Variants in KCND2 observed in about 807,000 individuals in gnomAD.
The protein encoded by KCND2 is potassium voltage-gated channel subfamily D member 2.
KCND2 carries 16 observed loss-of-function variants against 54.4 expected under a neutral mutation model. That is an observed-to-expected ratio of 0.29 (90% CI 0.20 to 0.45). The LOEUF (loss-of-function observed/expected upper bound fraction) is 0.45, where lower values mean the gene tolerates loss of function less well. Among genes scored for constraint, KCND2 ranks in the 20% least tolerant of loss-of-function variants. The probability of loss-of-function intolerance (pLI) is 1.00; values close to 1 mark genes in which losing one functional copy is unlikely to be tolerated. For missense variants in KCND2, 486 were observed against 824.2 expected (o/e 0.59, Z 5.02); for synonymous variants, 317 against 310.7 (o/e 1.02, Z -0.21).
chr7:120,624,894 G>A (rs776061113), intron 1 of KCND2, among the ~76,000 whole-genome samples: 2 of 152,078 alleles, frequency 1.3e-5, no homozygotes, highest in Non-Finnish European at 2.9e-5. Flanking sequence ...ACATTCAATG[G>A]TAGAGCAAGC....
intron 1 of KCND2, among the ~76,000 whole-genome samples, chr7:120,418,926 GA>G (rs1344522903): frequency 6.6e-6 from 1 of 152,030 alleles, no homozygotes; most frequent in African/African-American, 2.4e-5. Context: ...AAATTCAGTG[GA>G]AAAAAATCAT....
intron 1 of KCND2, among the ~76,000 whole-genome samples, chr7:120,570,878 C>T (rs1386681115): frequency 1.3e-5 from 2 of 152,094 alleles, no homozygotes; most frequent in African/African-American, 2.4e-5. Context: ...ATATCCAAAG[C>T]GGTATAAACA....
chr7:120,363,030 T>C (rs1373367572), intron 1 of KCND2, among the ~76,000 whole-genome samples: 1 of 151,966 alleles, frequency 6.6e-6, no homozygotes, highest in Admixed American at 6.6e-5. Context: ...AGGCAGGGTG[T>C]CGTGGCTCAC....
chr7:120,643,432 G>T lies in KCND2; in HGVS notation c.1116-89471G>T, dbSNP rs190601664. ...AATATATATATACTCAAATGCAAAA[G>T]CAAGCTCTGTTGCCACAGGTATGTG... On this transcript the variant is annotated intron_variant, in intron 1 of 5. Transcript: ENST00000331113. Among the ~76,000 whole-genome samples, 5 of 151,990 alleles carry T rather than the reference G, an allele frequency of 3.3e-5. 1 individual carries two copies. Among genetic ancestry groups the T allele is most frequent in the Non-Finnish European group, 2.9e-5 (2 of 67,972 alleles).
intron 1 of KCND2, among the ~76,000 whole-genome samples, chr7:120,602,063 A>G (rs1792820324): frequency 6.6e-6 from 1 of 152,216 alleles, no homozygotes; most frequent in Non-Finnish European, 1.5e-5. Context: ...ACGAACTGAA[A>G]AAAAGCTGCA....
intron 1 of KCND2, among the ~76,000 whole-genome samples, chr7:120,388,404 C>G (rs927211722): frequency 3.3e-5 from 5 of 151,950 alleles, no homozygotes; most frequent in African/African-American, 1.2e-4. Flanking sequence ...GGGTATTGTA[C>G]AAAGTAGATG....
intron 1 of KCND2, among the ~76,000 whole-genome samples, chr7:120,605,996 G>A (rs1482320812): frequency 1.3e-5 from 2 of 152,136 alleles, no homozygotes; most frequent in Non-Finnish European, 2.9e-5. Context: ...TCTCAAGATA[G>A]TGAATAAGTC....
chr7:120,454,116 T>C (rs749868499), intron 1 of KCND2, among the ~76,000 whole-genome samples: 1 of 151,476 alleles, frequency 6.6e-6, no homozygotes, highest in Non-Finnish European at 1.5e-5. Flanking sequence ...GTTAAAAAGA[T>C]CTCAAATTAA....
In KCND2 at chr7:120,750,289, C is replaced by T. The variant is rs1483923393; in HGVS notation, c.*2431C>T. ...TGCATTATGCTGGAAAAAAATAGAC[C>T]TTTGGAGAATACTTAAATAAAACAT... On this transcript the variant is annotated 3_prime_UTR_variant, in exon 6 of 6. Transcript: ENST00000331113. 8 of 152,210 alleles carry T rather than the reference C, an allele frequency of 5.3e-5. No individual in the cohort carries two copies. The allele number at this position is 152,210 out of a possible 1,614,324, so 9.4% of individuals were successfully genotyped here. A position where few individuals can be genotyped will look rare whatever the true frequency, so the allele number is the denominator to read the frequency against.
chr7:120,514,902 GGA>G (rs971953989), intron 1 of KCND2, among the ~76,000 whole-genome samples: 35 of 152,050 alleles, frequency 2.3e-4, no homozygotes, highest in Non-Finnish European at 3.8e-4. Flanking sequence ...CAAGGATTGG[GGA>G]CCCCTGTTTT....
chr7:120,308,376 A>G (rs1471216002), intron 1 of KCND2, among the ~76,000 whole-genome samples: 1 of 152,102 alleles, frequency 6.6e-6, no homozygotes, highest in African/African-American at 2.4e-5. Context: ...TGCCATGCCG[A>G]GATGATACAT....
intron 1 of KCND2, among the ~76,000 whole-genome samples, chr7:120,382,424 A>G (rs1419907961): frequency 6.6e-6 from 1 of 151,934 alleles, no homozygotes; most frequent in Non-Finnish European, 1.5e-5. Flanking sequence ...ATTCTAATAC[A>G]TTTTTGTAAT....
At chr7:120,385,248 C>T (rs886526211) in intron 1 of KCND2, among the ~76,000 whole-genome samples, 4 of 151,836 alleles carry the variant, frequency 2.6e-5, no homozygotes, top group Admixed American at 6.6e-5. Flanking sequence ...CTGCCTCAGC[C>T]TCTCAAAGTG....
At chr7:120,632,373 G>A (rs970198376) in intron 1 of KCND2, among the ~76,000 whole-genome samples, 10 of 152,172 alleles carry the variant, frequency 6.6e-5, no homozygotes, top group African/African-American at 1.2e-4. Flanking sequence ...GTAGTTTAAC[G>A]AAATGAATTT....
At chr7:120,714,642 T>C (rs1046078970) in intron 1 of KCND2, among the ~76,000 whole-genome samples, 7 of 152,108 alleles carry the variant, frequency 4.6e-5, no homozygotes, top group Non-Finnish European at 1.0e-4. Flanking sequence ...AATGGCATAA[T>C]GAAATAGAAC....
chr7:120,353,132 ACTTT>A (rs1800440776), intron 1 of KCND2, among the ~76,000 whole-genome samples: 1 of 75,040 alleles, frequency 1.3e-5, no homozygotes, highest in Admixed American at 1.6e-4. Flanking sequence ...AAATACTTTT[ACTTT>A]TTTTTTTTTT....
chr7:120,743,741 CAGA>C (rs1792970670), intron 4 of KCND2, among the ~76,000 whole-genome samples: 1 of 152,014 alleles, frequency 6.6e-6, no homozygotes, highest in Non-Finnish European at 1.5e-5. Context: ...TAAGAGTGGT[CAGA>C]AGAAGAGAGT....
At chr7:120,668,638 T>C (rs1045365836) in intron 1 of KCND2, among the ~76,000 whole-genome samples, 8 of 152,118 alleles carry the variant, frequency 5.3e-5, no homozygotes, top group Admixed American at 5.2e-4. Flanking sequence ...ATATGTTTAA[T>C]GACTTTAACT....
intron 5 of KCND2, chr7:120,746,841 G>C (rs1008482998): frequency 6.6e-6 from 1 of 152,106 alleles, no homozygotes; most frequent in African/African-American, 2.4e-5. Flanking sequence ...AGAAGTCTTT[G>C]TTGAAATCTG....
Sources: gnomAD v4.1 joint callset for allele counts (sites outside exome capture counted in the v4.1 genomes callset) on GRCh38, gnomAD v4.1.1 for gene constraint, MANE v1.5 for transcripts, NCBI Gene and HGNC (gene_info 2026-07-23, HGNC 2026-07-21) for gene names.